GGA1: variants seen among roughly 807,000 people sequenced by gnomAD.
GGA1 encodes golgi associated, gamma adaptin ear containing, ARF binding protein 1.
A neutral mutation model predicts 76.9 loss-of-function variants in GGA1; 18 were observed. The ratio of observed to expected loss-of-function variants is 0.23; its 90% CI spans 0.16 to 0.35. The LOEUF (loss-of-function observed/expected upper bound fraction) is 0.35. Among genes scored for constraint, GGA1 ranks in the 10% least tolerant of loss-of-function variants. The pLI is 1.00. For missense variants in GGA1, 755 were observed against 859.0 expected, an observed-to-expected ratio of 0.88 and a Z score of 1.51; for synonymous variants, 342 against 354.7, an observed-to-expected ratio of 0.96 and a Z score of 0.40.
rs774698104 is a variant in GGA1 at position 37,623,404 on chromosome 22, G to A, written c.687G>A (p.Thr229=). 8.7e-6 allele frequency: 14 copies of A among 1,613,794 alleles called. No homozygotes were observed. Among genetic ancestry groups the A allele is most frequent in the Admixed American group, 1.7e-5 (1 of 60,014 alleles). The change falls in exon 8 of 17, where the codon ACG becomes ACA. Residue 229 remains threonine, a synonymous_variant. Coordinates refer to ENST00000343632, the MANE Select transcript of GGA1 (RefSeq NM_013365.5). The surrounding 1 kb of genome is among the most constrained non-coding windows in gnomAD (Gnocchi z 4.6). The part of the protein sequence containing the change: ...EEVNNNVKLL[T]EMVMSHSQGG... ...TGAACAACAATGTGAAACTGCTCAC[G>A]GAGATGGTGATGAGCCACAGCCAGG...
intron 1 of GGA1, 107 bp downstream of exon 1, chr22:37,609,010 C>G (rs1005679365): frequency 7.3e-7 from 1 of 1,370,236 alleles, no homozygotes; most frequent in South Asian, 1.7e-5. Flanking sequence ...CCTCACGCCC[C>G]GCCCCCGGCC....
chr22:37,618,438 C>A lies in GGA1; in HGVS notation c.205-10C>A. Reference sequence around the variant, plus strand: ...CTGGGCGTCCCCTCCCATCCCCCCTCCCTGCACAGGTGCTGGAAACATGCA... The same window carrying A: ...CTGGGCGTCCCCTCCCATCCCCCCTACCTGCACAGGTGCTGGAAACATGCA... On this transcript the variant is annotated splice_polypyrimidine_tract_variant and intron_variant, in intron 3 of 16. Coordinates refer to ENST00000343632, the MANE Select transcript of GGA1 (RefSeq NM_013365.5). 1 of 1,564,486 alleles carries A rather than the reference C, an allele frequency of 6.4e-7. No homozygotes were observed. The highest frequency in any genetic ancestry group is 8.8e-7 in the Non-Finnish European group (1 of 1,134,998).
At chr22:37,610,513 G>A (rs78618063) in intron 1 of GGA1, 33,729 of 152,078 alleles carry the variant, frequency 0.22, 3,994 homozygotes, top group Admixed American at 0.3. Context: ...AGCTATTTTT[G>A]TATTTTTAGT....
At chr22:37,628,018 G>A (rs1028930745) in intron 11 of GGA1, among the ~76,000 whole-genome samples, 2 of 152,148 alleles carry the variant, frequency 1.3e-5, no homozygotes, top group African/African-American at 2.4e-5. Context: ...GTAGACACAC[G>A]GTTTCACCTG....
rs1931108799 is a variant in GGA1, at chr22:37,627,793, A to G, written c.1094-1669A>G. ...AGCCGGAAGTGCCAGGGCAGCCTGC[A>G]GCCTGGGCCTGGGGAATGGAGGAGG... On this transcript the variant is annotated intron_variant, in intron 11 of 16. Transcript: ENST00000343632. Among the ~76,000 whole-genome samples the G allele has an allele frequency of 2.0e-5, 3 of 152,352 alleles. No individual in the cohort carries two copies. The South Asian group carries it at 6.2e-4, about 32-fold the overall frequency.
intron 2 of GGA1, among the ~76,000 whole-genome samples, chr22:37,616,656 G>A (rs1200627213): frequency 6.6e-6 from 1 of 152,200 alleles, no homozygotes; most frequent in Non-Finnish European, 1.5e-5. Context: ...CATACCTTTT[G>A]AAGGTCCCTG....
chr22:37,623,905 T>C lies in GGA1; in HGVS notation c.832+272T>C. The C allele has an allele frequency of 2.3e-6, 1 of 430,330 alleles. No individual in the cohort carries two copies. The highest frequency in any genetic ancestry group is 4.3e-6 in the Non-Finnish European group (1 of 231,044). 26.7% of individuals were successfully genotyped at this position (430,330 alleles called of 1,614,324 possible). ...GGCAGACCCATCCCCTTTTCACAAC[T>C]GGGGCTAAGGGAGGAAAATGACTTG... is the stretch of plus-strand genomic sequence containing the variant. On this transcript the variant is annotated intron_variant, in intron 9 of 16. Coordinates refer to ENST00000343632, the MANE Select transcript of GGA1 (RefSeq NM_013365.5). The surrounding 1 kb of genome is among the most constrained non-coding windows in gnomAD (Gnocchi z 4.6).
Position 37,617,015 on chromosome 22 carries a change from C to A in GGA1, c.204+18C>A, listed in dbSNP as rs1928929205. ...CCTTGACGGTGAGAAGGGGAGAGGC[C>A]ACCATCCGTCCCCCGCCATGTGACG... On this transcript the variant is annotated intron_variant, in intron 3 of 16. Transcript: ENST00000343632. The A allele has an allele frequency of 1.3e-6, 2 of 1,588,498 alleles. No homozygotes were observed. The highest frequency in any genetic ancestry group is 1.7e-6 in the Non-Finnish European group (2 of 1,167,448).
intron 14 of GGA1, 80 bp from the exon 15 acceptor site, chr22:37,631,915 AG>A: frequency 7.7e-7 from 1 of 1,292,418 alleles, no homozygotes; most frequent in Non-Finnish European, 1.1e-6. Flanking sequence ...CCAGCTCCTG[AG>A]GCCAGCCGGG....
chr22:37,609,203 CCAAGGCTCA>C, intron 1 of GGA1: 1 of 1,318,366 alleles, frequency 7.6e-7, no homozygotes, highest in Non-Finnish European at 9.8e-7. Flanking sequence ...CCTCCAACCC[CCAAGGCTCA>C]CATTGCTTCA....
At chr22:37,614,663 C>T (rs575650612) in intron 2 of GGA1, among the ~76,000 whole-genome samples, 2 of 152,330 alleles carry the variant, frequency 1.3e-5, no homozygotes, top group South Asian at 2.1e-4. Context: ...AAGGACGAAC[C>T]AGAACTACCT....
At position 37,613,634 on chromosome 22, in the gene GGA1, C is replaced by T. The variant is rs571508087; in HGVS notation, c.44-556C>T. Among the ~76,000 whole-genome samples, 8 of 152,102 alleles carry T rather than the reference C, an allele frequency of 5.3e-5. No individual in the cohort carries two copies. In the South Asian group the frequency reaches 1.2e-3, roughly 24 times the overall value. ...TAGGATGGTCTTGATCTCCTGACCT[C>T]GTGATCCACCCACCTCAGCCTCCCA... On this transcript the variant is annotated intron_variant, in intron 1 of 16. Coordinates refer to ENST00000343632, the MANE Select transcript of GGA1 (RefSeq NM_013365.5).
chr22:37,619,832 C>T (rs988396645), intron 4 of GGA1: 1 of 777,628 alleles, frequency 1.3e-6, no homozygotes. Flanking sequence ...TTTCCCCAGC[C>T]CAGTTTGCTG....
In GGA1 at chr22:37,623,664, C is replaced by A. The variant is rs1178830030; in HGVS notation, c.832+31C>A. 2.8e-5 allele frequency: 38 copies of A among 1,378,460 alleles called. No individual in the cohort carries two copies. The highest frequency in any genetic ancestry group is 3.6e-5 in the Non-Finnish European group (36 of 989,996). The allele number at this position is 1,378,460 out of a possible 1,614,324, so 85.4% of individuals were successfully genotyped here. On this transcript the variant is annotated intron_variant, in intron 9 of 16. Coordinates refer to ENST00000343632, the MANE Select transcript of GGA1 (RefSeq NM_013365.5). The surrounding 1 kb of genome is among the most constrained non-coding windows in gnomAD (Gnocchi z 4.6). Reference sequence around the variant, plus strand: ...CCCAGGGCAGGTGCTGAGGTCAGGTCCCCCCCTCTCCCTCCACCTCCTGCC... The same window carrying A: ...CCCAGGGCAGGTGCTGAGGTCAGGTACCCCCCTCTCCCTCCACCTCCTGCC...
chr22:37,630,033 G>A lies in GGA1; in HGVS notation c.1194G>A (p.Leu398=), dbSNP rs147532182. The A allele has an allele frequency of 6.6e-5, 105 of 1,594,250 alleles. No homozygotes were observed. Among genetic ancestry groups the A allele is most frequent in the Non-Finnish European group, 7.8e-5 (91 of 1,169,190 alleles). The stretch of plus-strand genomic sequence containing the variant: ...CCACTGAGCCCCCAGCCCCTGCTCT[G>A]GCCCAGGCCCCCAGTATGGAAAGCC... ...SDATEPPAPA[L]AQAPSMESRP... is the part of the protein sequence containing the mutation. The change falls in exon 13 of 17, where the codon CTG becomes CTA. Residue 398 remains leucine, a synonymous_variant. Coordinates refer to ENST00000343632, the MANE Select transcript of GGA1 (RefSeq NM_013365.5).
chr22:37,629,419 G>T (rs1192922588), intron 11 of GGA1, 43 bp from the exon 12 acceptor site: 11 of 1,430,252 alleles, frequency 7.7e-6, no homozygotes, highest in African/African-American at 1.4e-5. Flanking sequence ...GGCCTCTGCA[G>T]GGTCAGCCCA....
intron 2 of GGA1, among the ~76,000 whole-genome samples, chr22:37,615,154 T>TA (rs575023050): frequency 4.0e-5 from 6 of 148,270 alleles, no homozygotes; most frequent in Admixed American, 2.7e-4. Context: ...TCTTAAAAAA[T>TA]AAAAAAATAG....
chr22:37,626,437 T>A (rs1054798590), intron 11 of GGA1: 1 of 151,998 alleles, frequency 6.6e-6, no homozygotes, highest in Non-Finnish European at 1.5e-5. Context: ...AGGCTCCGGC[T>A]CCAGAGCCCA....
In GGA1 at chr22:37,632,760, A is replaced by G; in HGVS notation, c.*49A>G. On this transcript the variant is annotated 3_prime_UTR_variant, in exon 17 of 17. Coordinates refer to ENST00000343632, the MANE Select transcript of GGA1 (RefSeq NM_013365.5). This position sits in a 1 kb window ranked among gnomAD's most constrained non-coding sequence, Gnocchi z 5.1. ...GGGGCAGAGGGACCGGTCACTGTCC[A>G]GCCTGGAGGGAGGCATTGGTGGCCA... The G allele has an allele frequency of 2.7e-6, 3 of 1,128,124 alleles. No individual in the cohort carries two copies. The highest frequency in any genetic ancestry group is 4.0e-6 in the Non-Finnish European group (3 of 758,744). The allele number at this position is 1,128,124 out of a possible 1,614,324, so 69.9% of individuals were successfully genotyped here.
Sources: allele counts gnomAD v4.1 joint callset (sites outside exome capture counted in the v4.1 genomes callset), GRCh38; gene constraint gnomAD v4.1.1; non-coding constraint Gnocchi (gnomAD v3.1); transcripts MANE v1.5; gene names NCBI Gene and HGNC (gene_info 2026-07-23, HGNC 2026-07-21).